Variants in ESR1 observed in about 807,000 individuals in gnomAD.
The protein encoded by ESR1 is estrogen receptor.
Under a neutral mutation model 52.7 loss-of-function variants are expected in ESR1, and 12 were observed. The ratio of observed to expected loss-of-function variants is 0.23; its 90% CI spans 0.15 to 0.37. The LOEUF (loss-of-function observed/expected upper bound fraction) is 0.37, where lower values mean the gene tolerates loss of function less well. Ranked by LOEUF, ESR1 falls within the 10% of genes least tolerant of loss-of-function variation. ESR1 has a pLI of 1.00. For synonymous variants in ESR1, 305 were observed against 316.8 expected, an observed-to-expected ratio of 0.96 and a Z score of 0.39; for missense variants, 584 against 779.7, an observed-to-expected ratio of 0.75 and a Z score of 2.99.
chr6:152,038,958 A>G (rs779163317), intron 5 of ESR1, among the ~76,000 whole-genome samples: 1 of 152,230 alleles, frequency 6.6e-6, no homozygotes, highest in Non-Finnish European at 1.5e-5. Flanking sequence ...ATCTTATGTC[A>G]CATGATACAG....
At chr6:151,791,443 C>G (rs984074537) in intron 2 of ESR1, among the ~76,000 whole-genome samples, 1 of 152,182 alleles carries the variant, frequency 6.6e-6, no homozygotes, top group Non-Finnish European at 1.5e-5. Flanking sequence ...GTGAGGCCTT[C>G]CCAGCCATGT....
In ESR1 at chr6:152,094,431, G is replaced by T. The variant is rs1356235501; in HGVS notation, c.1416G>T (p.Lys472Asn). 2 of 1,614,010 alleles carry T rather than the reference G, an allele frequency of 1.2e-6. No homozygotes were observed. Among genetic ancestry groups the T allele is most frequent in the Non-Finnish European group, 1.7e-6 (2 of 1,180,024 alleles). Residue 472 changes from lysine (K) to asparagine (N), a missense_variant, in exon 7 of 8, where the codon AAG (lysine) becomes AAT (asparagine). By Grantham distance (94) the Lys-to-Asn change is moderately conservative. Coordinates refer to ENST00000206249, the MANE Select transcript of ESR1 (RefSeq NM_000125.4). This position sits in a 1 kb window ranked among gnomAD's most constrained non-coding sequence, Gnocchi z 4.6. ...LSSTLKSLEEKDHIHRVLDKI... is the reference protein window; with the variant it reads ...LSSTLKSLEENDHIHRVLDKI... ...GCACCCTGAAGTCTCTGGAAGAGAA[G>T]GACCATATCCACCGAGTCCTGGACA... is the stretch of plus-strand genomic sequence containing the variant.
At chr6:151,710,081 C>A (rs1350899623) in intron 2 of ESR1, among the ~76,000 whole-genome samples, 1 of 151,860 alleles carries the variant, frequency 6.6e-6, no homozygotes, top group East Asian at 1.9e-4. Flanking sequence ...ATAATCTTTT[C>A]TCCAATAAAT....
At chr6:151,952,083 A>G (rs777578870) in intron 4 of ESR1, among the ~76,000 whole-genome samples, 4 of 152,208 alleles carry the variant, frequency 2.6e-5, no homozygotes, top group African/African-American at 4.8e-5. Flanking sequence ...TGCATCTGCA[A>G]AGACCTGATT....
intron 1 of ESR1, among the ~76,000 whole-genome samples, chr6:151,666,620 C>A (rs1195608693): frequency 6.6e-6 from 1 of 151,830 alleles, no homozygotes; most frequent in Non-Finnish European, 1.5e-5. Flanking sequence ...TTTCTGCAGC[C>A]AGAGCACCTT....
In ESR1 at chr6:151,807,717, G is replaced by A. The variant is rs905573053; in HGVS notation, c.-196G>A. ...GGGCGTTCGTCCTGGGACTGCACTT[G>A]CTCCCGTCGGGTCGCCCGGCTTCAC... is the stretch of plus-strand genomic sequence containing the variant. On this transcript the variant is annotated 5_prime_UTR_variant, in exon 1 of 8. Coordinates refer to ENST00000206249, the MANE Select transcript of ESR1 (RefSeq NM_000125.4). 63 of 651,292 alleles carry A rather than the reference G, an allele frequency of 9.7e-5. No homozygotes were observed. The highest frequency in any genetic ancestry group is 3.6e-4 in the Admixed American group (16 of 44,160). The allele number at this position is 651,292 out of a possible 1,614,324, so 40.3% of individuals were successfully genotyped here.
At chr6:151,670,725 A>C (rs1778021452) in intron 1 of ESR1, among the ~76,000 whole-genome samples, 1 of 149,868 alleles carries the variant, frequency 6.7e-6, no homozygotes, top group Admixed American at 6.6e-5. Context: ...CTGGGATTAC[A>C]GGCTTGCGCC....
chr6:152,029,136 T>C (rs1433909378), intron 5 of ESR1, among the ~76,000 whole-genome samples: 1 of 152,194 alleles, frequency 6.6e-6, no homozygotes, highest in African/African-American at 2.4e-5. Context: ...CAAAATCCCA[T>C]CTGTACGTCA....
chr6:152,058,608 C>T lies in ESR1; in HGVS notation c.1236-2383C>T, dbSNP rs2128949876. Among the ~76,000 whole-genome samples the T allele has an allele frequency of 1.3e-5, 2 of 152,274 alleles. 1 individual carries two copies. Among genetic ancestry groups the T allele is most frequent in the South Asian group, 4.1e-4 (2 of 4,822 alleles). ...TCTTCAATATTGAGATGGGTTGAAT[C>T]TGGGGAGACTGATGTTAGATGCAAA... On this transcript the variant is annotated intron_variant, in intron 5 of 7. Coordinates refer to ENST00000206249, the MANE Select transcript of ESR1 (RefSeq NM_000125.4).
chr6:151,772,100 G>C (rs1785568444), intron 2 of ESR1, among the ~76,000 whole-genome samples: 1 of 152,140 alleles, frequency 6.6e-6, no homozygotes, highest in African/African-American at 2.4e-5. Context: ...AAGGCTTTAT[G>C]GTAAAGCAAG....
At position 151,964,934 on chromosome 6, in the gene ESR1, G is replaced by A. The variant is rs191716952; in HGVS notation, c.1096+20426G>A. On this transcript the variant is annotated intron_variant, in intron 4 of 7. Coordinates refer to ENST00000206249, the MANE Select transcript of ESR1 (RefSeq NM_000125.4). Reference sequence around the variant, plus strand: ...TGGGATTACAGGCATGAGCCACCGCGCCCGGCCCCTATTTTCTTAATCACG... The same window carrying A: ...TGGGATTACAGGCATGAGCCACCGCACCCGGCCCCTATTTTCTTAATCACG... Among the ~76,000 whole-genome samples, 68 of 152,194 alleles carry A rather than the reference G, an allele frequency of 4.5e-4. No homozygotes were observed. The East Asian group carries it at 0.011, about 24-fold the overall frequency.
chr6:152,120,253 C>T (rs1562800709), intron 6 of ESR1, among the ~76,000 whole-genome samples: 1 of 152,184 alleles, frequency 6.6e-6, no homozygotes, highest in East Asian at 1.9e-4. Flanking sequence ...GGAGGGAGGA[C>T]TTCTCCTTCC....
chr6:152,098,389 AG>A lies in ESR1; in HGVS notation c.1554-341del, dbSNP rs1422672641. Among the ~76,000 whole-genome samples, 1 of 152,064 alleles carries A rather than the reference AG, an allele frequency of 6.6e-6. No homozygotes were observed. Among genetic ancestry groups the A allele is most frequent in the Non-Finnish European group, 1.5e-5 (1 of 68,018 alleles). ...TTGGCGATCCTATTTGAATGCATTTAGGTCCTATTGGAGGGGAATAGGATCT... is the reference window on the plus strand; with the variant it reads ...TTGGCGATCCTATTTGAATGCATTTAGTCCTATTGGAGGGGAATAGGATCT... On this transcript the variant is annotated intron_variant, in intron 7 of 7. Coordinates refer to ENST00000206249, the MANE Select transcript of ESR1 (RefSeq NM_000125.4). The surrounding 1 kb of genome is among the most constrained non-coding windows in gnomAD (Gnocchi z 5.1).
rs141291285 is a variant in ESR1, at chr6:152,009,178, G to A, written c.1097-2478G>A. On this transcript the variant is annotated intron_variant, in intron 4 of 7. Coordinates refer to ENST00000206249, the MANE Select transcript of ESR1 (RefSeq NM_000125.4). ...TCTTTTACTTATCCTTATAAACAAA[G>A]CCACCCACTTTCTCATTTTTCCTGA... Among the ~76,000 whole-genome samples the A allele has an allele frequency of 1.1e-3, 174 of 152,086 alleles. 1 individual carries two copies. The highest frequency in any genetic ancestry group is 1.8e-3 in the Non-Finnish European group (123 of 67,980).
At position 151,776,447 on chromosome 6, in the gene ESR1, T is replaced by C. The variant is rs373997472; in HGVS notation, c.-70-31396T>C. On this transcript the variant is annotated intron_variant, in intron 2 of 2. Coordinates refer to the ESR1 transcript ENST00000404742. ...AGTGCTTGGCAGCTCAAGCCAGTTA[T>C]GGAGCTGTGGGTGCTAGTGGCTATT... Among the ~76,000 whole-genome samples the C allele has an allele frequency of 6.7e-4, 102 of 152,332 alleles. 3 individuals carry two copies. The South Asian group carries it at 0.021, about 31-fold the overall frequency.
intron 1 of ESR1, among the ~76,000 whole-genome samples, chr6:151,824,175 G>A (rs1371895799): frequency 6.6e-6 from 1 of 152,148 alleles, no homozygotes; most frequent in Non-Finnish European, 1.5e-5. Context: ...TAACTGGTGT[G>A]AGATGATATC....
chr6:151,977,283 G>A (rs916831570), intron 4 of ESR1, among the ~76,000 whole-genome samples: 3 of 152,128 alleles, frequency 2.0e-5, no homozygotes, highest in East Asian at 3.9e-4. Flanking sequence ...TGGGGTGACC[G>A]AGAAATGAAC....
intron 6 of ESR1, among the ~76,000 whole-genome samples, chr6:152,114,230 G>A (rs1162385084): frequency 6.6e-6 from 1 of 152,200 alleles, no homozygotes. Context: ...AGCTGCCTAT[G>A]ACTTTCGAGT....
chr6:151,766,108 T>C (rs1785029400), intron 2 of ESR1, among the ~76,000 whole-genome samples: 1 of 152,208 alleles, frequency 6.6e-6, no homozygotes, highest in Non-Finnish European at 1.5e-5. Flanking sequence ...CCATATCCAG[T>C]GTTGAAAGAA....
Sources: allele counts gnomAD v4.1 joint callset (sites outside exome capture counted in the v4.1 genomes callset), GRCh38; gene constraint gnomAD v4.1.1; non-coding constraint Gnocchi (gnomAD v3.1); transcripts MANE v1.5; gene names NCBI Gene and HGNC (gene_info 2026-07-23, HGNC 2026-07-21).